The following BCL7C variants were observed in gnomAD, a reference collection of about 807,000 sequenced individuals.
BCL7C encodes the protein B-cell CLL/lymphoma 7 protein family member C.
A neutral mutation model predicts 26.2 loss-of-function variants in BCL7C; 8 were observed. That is an observed-to-expected ratio of 0.30 (90% CI 0.18 to 0.55). BCL7C has a LOEUF of 0.55. BCL7C is among the 20% of genes least tolerant of loss of function. The probability of loss-of-function intolerance (pLI) is 0.93; values close to 1 mark genes in which losing one functional copy is unlikely to be tolerated. For synonymous variants in BCL7C, 90 were observed against 116.5 expected (o/e 0.77, Z 1.47); for missense variants, 262 against 298.5 (o/e 0.88, Z 0.90).
chr16:30,878,409 C>G (rs545442720), intron 5 of BCL7C, among the ~76,000 whole-genome samples: 95 of 150,492 alleles, frequency 6.3e-4, no homozygotes, highest in Admixed American at 4.3e-3. Context: ...TGTGGTGGCA[C>G]GCGCCTGTAG....
In BCL7C at chr16:30,892,599, C is replaced by A. The variant is rs1011871102; in HGVS notation, c.429G>T (p.Leu143=). 8.9e-6 allele frequency: 14 copies of A among 1,569,174 alleles called. No homozygotes were observed. In the African/African-American group the frequency reaches 1.6e-4, roughly 18 times the overall value. ...ACCTGGTCCTACCTCTCTCTTGGCC[C>A]AGCCGTGGGGGCTGAGCCTCCTCAG... ...GVPEEAQPPR[L]GQERDPGGIT... The change falls in exon 4 of 6, where the codon CTG becomes CTT. Residue 143 remains leucine, a synonymous_variant. Coordinates refer to ENST00000215115, the MANE Select transcript of BCL7C (RefSeq NM_004765.4).
intron 5 of BCL7C, among the ~76,000 whole-genome samples, chr16:30,865,322 G>T (rs1380136815): frequency 3.3e-5 from 5 of 152,046 alleles, no homozygotes; most frequent in African/African-American, 4.8e-5. Context: ...CTGCACCCAG[G>T]TGAAATAAAC....
chr16:30,865,004 T>C (rs1353844153), intron 5 of BCL7C, among the ~76,000 whole-genome samples: 1 of 151,488 alleles, frequency 6.6e-6, no homozygotes, highest in Non-Finnish European at 1.5e-5. Context: ...CCATCTCTAC[T>C]AAAAATACAA....
intron 4 of BCL7C, among the ~76,000 whole-genome samples, chr16:30,891,923 C>A (rs1468755009): frequency 6.7e-6 from 1 of 148,746 alleles, no homozygotes; most frequent in African/African-American, 2.5e-5. Context: ...ATGATTGCAC[C>A]AGAGTACTCC....
chr16:30,848,397 T>C (rs1399084520), intron 5 of BCL7C, among the ~76,000 whole-genome samples: 1 of 152,120 alleles, frequency 6.6e-6, no homozygotes, highest in Non-Finnish European at 1.5e-5. Context: ...TCTTGGGATA[T>C]GAAGGGACCC....
downstream of BCL7C, among the ~76,000 whole-genome samples, chr16:30,884,790 C>A (rs1283207640): frequency 6.6e-6 from 1 of 152,198 alleles, no homozygotes; most frequent in Non-Finnish European, 1.5e-5. Flanking sequence ...AGCCACCATG[C>A]CTGGCCTATT....
At chr16:30,850,960 T>C (rs2054670086) in intron 5 of BCL7C, among the ~76,000 whole-genome samples, 1 of 152,262 alleles carries the variant, frequency 6.6e-6, no homozygotes, top group Admixed American at 6.5e-5. Context: ...TTTCGCACCA[T>C]GAATTTTAAA....
chr16:30,873,020 CTCTACT>C (rs933846111), intron 5 of BCL7C, among the ~76,000 whole-genome samples: 22 of 152,200 alleles, frequency 1.4e-4, no homozygotes, highest in African/African-American at 5.3e-4. Flanking sequence ...TGTGGACCAC[CTCTACT>C]TCTGTTTACT....
At chr16:30,860,984 T>TC (rs1390143468) in intron 5 of BCL7C, among the ~76,000 whole-genome samples, 2 of 152,016 alleles carry the variant, frequency 1.3e-5, no homozygotes, top group Non-Finnish European at 2.9e-5. Context: ...CGACTAGCCC[T>TC]CCCCCATCTG....
At position 30,861,394 on chromosome 16, in the gene BCL7C, G is replaced by A. The variant is rs113336878; in HGVS notation, c.529-26246C>T. Among the ~76,000 whole-genome samples the A allele has an allele frequency of 3.9e-3, 590 of 152,258 alleles. 10 individuals are homozygous for A. The highest frequency in any genetic ancestry group is 0.014 in the African/African-American group (564 of 41,548). ...CAAACGCCTGAACTGCTGCAGCCAG[G>A]CGTTCCTCCAGGACCTCCTCCCCCA... is the stretch of plus-strand genomic sequence containing the variant. On this transcript the variant is annotated intron_variant, in intron 5 of 5. Transcript: ENST00000380317.
rs566145214 is a variant in BCL7C, at chr16:30,850,153, T to C, written c.529-15005A>G. On this transcript the variant is annotated intron_variant, in intron 5 of 5. Transcript: ENST00000380317. ...TGAACCCAGGAGGCAGAGCTTGCAG[T>C]GAGCCGAGATCGCATCACTGCACTC... is the stretch of plus-strand genomic sequence containing the variant. Among the ~76,000 whole-genome samples the C allele has an allele frequency of 2.7e-4, 38 of 141,564 alleles. No individual in the cohort carries two copies. The South Asian group carries it at 6.3e-3, about 23-fold the overall frequency. The allele number at this position is 141,564 out of a possible 152,430, so 92.9% of individuals were successfully genotyped here.
intron 5 of BCL7C, among the ~76,000 whole-genome samples, chr16:30,849,327 A>G (rs956705469): frequency 2.0e-5 from 3 of 151,950 alleles, no homozygotes; most frequent in Non-Finnish European, 2.9e-5. Flanking sequence ...GTATGTTTTC[A>G]ATTATTATGG....
intron 5 of BCL7C, among the ~76,000 whole-genome samples, chr16:30,870,679 A>T (rs114805825): frequency 0.024 from 3,602 of 152,216 alleles, 128 homozygotes; most frequent in African/African-American, 0.082. Context: ...AAAATAAAAT[A>T]AAATTAAATA....
At chr16:30,888,101 C>G in intron 5 of BCL7C, 111 bp from the exon 6 acceptor site, 2 of 1,123,724 alleles carry the variant, frequency 1.8e-6, no homozygotes, top group South Asian at 1.6e-5. Context: ...GCCCGGGAGG[C>G]AAGCCCAGGG....
At chr16:30,889,306 A>G (rs1354968291) in intron 4 of BCL7C, among the ~76,000 whole-genome samples, 1 of 152,038 alleles carries the variant, frequency 6.6e-6, no homozygotes, top group East Asian at 1.9e-4. Flanking sequence ...GATAGTAATT[A>G]CCTCATGTGG....
chr16:30,893,328 G>C lies in BCL7C; in HGVS notation c.93-38C>G. On this transcript the variant is annotated intron_variant, in intron 1 of 5. Coordinates refer to ENST00000215115, the MANE Select transcript of BCL7C (RefSeq NM_004765.4). This position sits in a 1 kb window ranked among gnomAD's most constrained non-coding sequence, Gnocchi z 5.2. ...GGGGGGCTGGGTCAGAGAGGCCTGA[G>C]GGGAGACCCACCCCCCTAGGAGCTG... 2 of 1,568,964 alleles carry C rather than the reference G, an allele frequency of 1.3e-6. No individual in the cohort carries two copies. The highest frequency in any genetic ancestry group is 1.7e-6 in the Non-Finnish European group (2 of 1,144,064).
At chr16:30,856,439 TAAAAAAAAAAAA>T (rs61380254) in intron 5 of BCL7C, among the ~76,000 whole-genome samples, 1 of 116,570 alleles carries the variant, frequency 8.6e-6, no homozygotes, top group Non-Finnish European at 1.7e-5. Flanking sequence ...AGACTCCGTC[TAAAAAAAAAAAA>T]AAAAAAAAAG....
chr16:30,846,364 TAC>T (rs1393956028), intron 5 of BCL7C, among the ~76,000 whole-genome samples: 14 of 151,480 alleles, frequency 9.2e-5, no homozygotes, highest in Admixed American at 3.3e-4. Context: ...TAGCTGGGAC[TAC>T]AGGCGCCCAC....
chr16:30,873,976 G>C (rs866355799), intron 5 of BCL7C, among the ~76,000 whole-genome samples: 899 of 22,996 alleles, frequency 0.039, 13 homozygotes, highest in African/African-American at 0.13. Flanking sequence ...CACACACACA[G>C]AGGAAGGTAT....
Sources: gnomAD v4.1 joint callset for allele counts (sites outside exome capture counted in the v4.1 genomes callset) on GRCh38, gnomAD v4.1.1 for gene constraint, Gnocchi (gnomAD v3.1) non-coding constraint, MANE v1.5 for transcripts, NCBI Gene and HGNC (gene_info 2026-07-23, HGNC 2026-07-21) for gene names.